Variants in CEP72 observed in about 807,000 individuals in gnomAD.
CEP72 encodes the protein centrosomal protein 72.
Under a neutral mutation model 65.7 loss-of-function variants are expected in CEP72, and 78 were observed. That is an observed-to-expected ratio of 1.19 (90% CI 0.99 to 1.43). The LOEUF (loss-of-function observed/expected upper bound fraction) is 1.43, where lower values mean the gene tolerates loss of function less well. Among genes scored for constraint, CEP72 ranks in the 40% most tolerant of loss-of-function variants. CEP72 has a pLI of 0.00. For missense variants in CEP72, 914 were observed against 832.9 expected, an observed-to-expected ratio of 1.10 and a Z score of -1.20; for synonymous variants, 358 against 351.7, an observed-to-expected ratio of 1.02 and a Z score of -0.20.
intron 9 of CEP72, chr5:641,155 A>G (rs1309824942): frequency 1.0e-6 from 1 of 984,798 alleles, no homozygotes; most frequent in Non-Finnish European, 1.2e-6. Flanking sequence ...CTGAGGCCTC[A>G]TGGGGGCTCT....
intron 4 of CEP72, among the ~76,000 whole-genome samples, chr5:626,416 C>T (rs60011040): frequency 2.0e-5 from 3 of 152,168 alleles, no homozygotes; most frequent in Non-Finnish European, 4.4e-5. Context: ...TCTCAGTTTG[C>T]TGAAAGGAAT....
At chr5:626,344 C>T (rs1486198321) in intron 4 of CEP72, among the ~76,000 whole-genome samples, 1 of 152,218 alleles carries the variant, frequency 6.6e-6, no homozygotes, top group Non-Finnish European at 1.5e-5. Context: ...TCCAGCGCAG[C>T]CTTGCGCCTG....
At chr5:621,199 CTA>C (rs1736367317) in intron 3 of CEP72, among the ~76,000 whole-genome samples, 1 of 152,196 alleles carries the variant, frequency 6.6e-6, no homozygotes, top group Non-Finnish European at 1.5e-5. Flanking sequence ...AGGGTCAGAC[CTA>C]CCATGCACCG....
chr5:642,976 G>A (rs1738157469), intron 9 of CEP72: 1 of 985,468 alleles, frequency 1.0e-6, no homozygotes, highest in Non-Finnish European at 1.2e-6. Flanking sequence ...TGCCTGGCAC[G>A]GCCTCTGAGG....
exon 5 of CEP72, chr5:667,078 C>CTTT (rs1301001938): frequency 6.6e-6 from 1 of 152,166 alleles, no homozygotes; most frequent in African/African-American, 2.4e-5. Flanking sequence ...ACCCATAAAA[C>CTTT]CCCAGCAAGC....
intron 11 of CEP72, among the ~76,000 whole-genome samples, chr5:649,752 G>T (rs1468382332): frequency 1.2e-5 from 1 of 82,214 alleles, no homozygotes; most frequent in Non-Finnish European, 2.5e-5. Context: ...CGTGGACTGT[G>T]AGGTGTGACT....
chr5:638,008 C>G (rs1052069560), intron 7 of CEP72, among the ~76,000 whole-genome samples, 190 bp downstream of exon 7: 2 of 152,040 alleles, frequency 1.3e-5, no homozygotes. Context: ...GGGGCTGTTA[C>G]GGCTTTGGCG....
At chr5:667,885 G>A (rs1429177068), downstream of CEP72, among the ~76,000 whole-genome samples, 5 of 89,098 alleles carry the variant, frequency 5.6e-5, no homozygotes, top group East Asian at 1.6e-3. Context: ...AGCACACAGA[G>A]AGGGGGCCGT....
chr5:612,663 C>CG, intron 1 of CEP72: 1 of 965,180 alleles, frequency 1.0e-6, no homozygotes. Flanking sequence ...CCCGGCGTCC[C>CG]GGCCCCTGCC....
chr5:612,408 G>C lies in CEP72; in HGVS notation c.47G>C (p.Arg16Pro). ...PRLVLSEEAV[R>P]AKSGLGPHRD... ...CTGGTGCTGAGCGAGGAGGCGGTTC[G>C]GGCGAAGAGCGGCTTAGGGCCTCAC... Residue 16 changes from arginine to proline, a missense_variant, in exon 1 of 12, where the codon CGG (arginine) becomes CCG (proline). Physicochemically the swap from Arg to Pro is moderately radical, Grantham distance 103 (BLOSUM62 -2). Coordinates refer to ENST00000264935, the MANE Select transcript of CEP72 (RefSeq NM_018140.4). 6.7e-7 allele frequency: 1 copy of C among 1,489,038 alleles called. No homozygotes were observed. The highest frequency in any genetic ancestry group is 8.9e-7 in the Non-Finnish European group (1 of 1,124,792). The allele number at this position is 1,489,038 out of a possible 1,614,324, so 92.2% of individuals were successfully genotyped here.
chr5:672,216 G>A, the CEP72 span, among the ~76,000 whole-genome samples: 2 of 152,150 alleles, frequency 1.3e-5, no homozygotes, highest in African/African-American at 2.4e-5. Context: ...TGGCCGGGGG[G>A]GTGTACCAGG....
the CEP72 span, among the ~76,000 whole-genome samples, chr5:673,637 C>T: frequency 6.6e-6 from 1 of 152,204 alleles, no homozygotes; most frequent in Admixed American, 6.5e-5. Flanking sequence ...GGGCTTGGGC[C>T]ACAGCTGTCT....
intron 1 of CEP72, 61 bp downstream of exon 1, chr5:612,504 T>C: frequency 7.4e-7 from 1 of 1,342,654 alleles, no homozygotes; most frequent in South Asian, 1.8e-5. Context: ...GTGCCGAGCT[T>C]CCCGGGGCGG....
At position 637,584 on chromosome 5, in the gene CEP72, T is replaced by G; in HGVS notation, c.972T>G (p.Gly324=). 2 of 1,614,004 alleles carry G rather than the reference T, an allele frequency of 1.2e-6. No homozygotes were observed. Among genetic ancestry groups the G allele is most frequent in the Non-Finnish European group, 1.7e-6 (2 of 1,180,034 alleles). The change falls in exon 7 of 12, where the codon GGT becomes GGG. Residue 324 remains glycine (G), a synonymous_variant. Coordinates refer to ENST00000264935, the MANE Select transcript of CEP72 (RefSeq NM_018140.4). ...KLDLSGEMVP[G]PLPAPGKCRK... Reference sequence around the variant, plus strand: ...ATTTGTCAGGAGAAATGGTGCCTGGTCCCCTGCCAGCCCCCGGAAAGTGCA... The same window carrying G: ...ATTTGTCAGGAGAAATGGTGCCTGGGCCCCTGCCAGCCCCCGGAAAGTGCA...
chr5:636,728 T>C (rs1169829625), intron 6 of CEP72, among the ~76,000 whole-genome samples: 3 of 149,156 alleles, frequency 2.0e-5, no homozygotes, highest in African/African-American at 7.5e-5. Flanking sequence ...GAGAATCGCT[T>C]GAACCTGGGA....
intron 11 of CEP72, among the ~76,000 whole-genome samples, chr5:649,693 C>T (rs1738804310): frequency 2.6e-5 from 2 of 76,446 alleles, no homozygotes; most frequent in African/African-American, 5.7e-5. Context: ...GAGGCGTGGA[C>T]TGTGAGGCGT....
At chr5:668,266 C>CT (rs746505250), downstream of CEP72, among the ~76,000 whole-genome samples, 4,618 of 42,654 alleles carry the variant, frequency 0.11, 1,031 homozygotes, top group African/African-American at 0.48. Context: ...GACAAGCACA[C>CT]GGAGAGGGGT....
In CEP72 at chr5:653,190, T is replaced by C. The variant is rs1739226294; in HGVS notation, c.*37T>C. ...AAGCTGGGCCACCCCTTAAGCTTCC[T>C]GGTAAAGTTACATTGTCTGCACCTT... On this transcript the variant is annotated 3_prime_UTR_variant, in exon 12 of 12. Coordinates refer to ENST00000264935, the MANE Select transcript of CEP72 (RefSeq NM_018140.4). 1.9e-6 allele frequency: 3 copies of C among 1,543,604 alleles called. No homozygotes were observed. The African/African-American group carries it at 4.1e-5, about 21-fold the overall frequency.
At chr5:628,607 A>G (rs1736945510) in intron 4 of CEP72, among the ~76,000 whole-genome samples, 1 of 112,676 alleles carries the variant, frequency 8.9e-6, no homozygotes, top group Non-Finnish European at 2.0e-5. Context: ...GCTTCTGGAG[A>G]ACTCAGGTCG....
Sources: gnomAD v4.1 joint callset for allele counts (sites outside exome capture counted in the v4.1 genomes callset) on GRCh38, gnomAD v4.1.1 for gene constraint, MANE v1.5 for transcripts, NCBI Gene and HGNC (gene_info 2026-07-23, HGNC 2026-07-21) for gene names.